Variants in SUCLG2 observed in about 807,000 individuals in gnomAD.
SUCLG2 encodes succinate--CoA ligase [GDP-forming] subunit beta, mitochondrial.
A neutral mutation model predicts 47.9 loss-of-function variants in SUCLG2; 42 were observed. That is an observed-to-expected ratio of 0.88 (90% CI 0.69 to 1.14). The LOEUF (loss-of-function observed/expected upper bound fraction) is 1.14, where lower values mean the gene tolerates loss of function less well. Ranked by LOEUF, SUCLG2 falls within the 50% of genes most tolerant of loss-of-function variation. SUCLG2 has a pLI of 0.00. For missense variants in SUCLG2, 571 were observed against 525.9 expected (o/e 1.09, Z -0.84); for synonymous variants, 195 against 197.3 (o/e 0.99, Z 0.10).
chr3:67,596,078 A>C lies in SUCLG2; in HGVS notation c.226+13377T>G, dbSNP rs538093568. ...CACAGGCTTGGTTGATGAACATCCAACCTCCTTAGTTTGATGAACTCTGGG... is the reference window on the plus strand; with the variant it reads ...CACAGGCTTGGTTGATGAACATCCACCCTCCTTAGTTTGATGAACTCTGGG... On this transcript the variant is annotated intron_variant, in intron 2 of 10. Transcript: ENST00000307227. Among the ~76,000 whole-genome samples the C allele has an allele frequency of 2.6e-5, 4 of 152,182 alleles. No homozygotes were observed. In the East Asian group the frequency reaches 7.7e-4, roughly 29 times the overall value.
chr3:67,477,879 G>A (rs1204900140), intron 9 of SUCLG2, among the ~76,000 whole-genome samples: 1 of 152,070 alleles, frequency 6.6e-6, no homozygotes, highest in East Asian at 1.9e-4. Context: ...GATCTACAGT[G>A]AAAAAATAAA....
At chr3:67,392,400 T>C (rs1702408850) in intron 10 of SUCLG2, among the ~76,000 whole-genome samples, 1 of 152,204 alleles carries the variant, frequency 6.6e-6, no homozygotes. Context: ...AAACACTTCT[T>C]AATGCTTAAA....
intron 2 of SUCLG2, among the ~76,000 whole-genome samples, chr3:67,532,830 A>G (rs7618449): frequency 6.6e-6 from 1 of 152,122 alleles, no homozygotes; most frequent in South Asian, 2.1e-4. Context: ...CAGCTGAATT[A>G]TAACAATGCT....
intron 2 of SUCLG2, among the ~76,000 whole-genome samples, chr3:67,593,110 G>C (rs1051811154): frequency 6.6e-6 from 1 of 152,132 alleles, no homozygotes; most frequent in Non-Finnish European, 1.5e-5. Context: ...TTATTCCATC[G>C]ATTTCTTTAA....
chr3:67,567,141 G>T (rs754075465), intron 2 of SUCLG2, among the ~76,000 whole-genome samples: 1 of 151,628 alleles, frequency 6.6e-6, no homozygotes, highest in African/African-American at 2.4e-5. Context: ...CCAAGATCGC[G>T]CCACTGCACT....
intron 2 of SUCLG2, among the ~76,000 whole-genome samples, chr3:67,545,489 G>C (rs1472417212): frequency 6.6e-6 from 1 of 152,268 alleles, no homozygotes; most frequent in Admixed American, 6.5e-5. Context: ...TTTATTGCCT[G>C]TCTTGATGCA....
At chr3:67,547,096 G>A (rs1056639568) in intron 2 of SUCLG2, among the ~76,000 whole-genome samples, 6 of 152,158 alleles carry the variant, frequency 3.9e-5, no homozygotes, top group African/African-American at 1.4e-4. Flanking sequence ...CTAACCCCCA[G>A]GTGATAGTAC....
chr3:67,457,311 C>A (rs146534751), intron 9 of SUCLG2, among the ~76,000 whole-genome samples: 63 of 151,824 alleles, frequency 4.1e-4, no homozygotes, highest in Non-Finnish European at 8.2e-4. Context: ...CAATTTCCTT[C>A]TCCTAAAAAT....
chr3:67,648,891 G>C (rs1217001719), intron 1 of SUCLG2, among the ~76,000 whole-genome samples: 1 of 152,120 alleles, frequency 6.6e-6, no homozygotes, highest in Non-Finnish European at 1.5e-5. Context: ...CGGCCAGCTG[G>C]GGAATCACTC....
chr3:67,533,208 T>A (rs556178551), intron 2 of SUCLG2, among the ~76,000 whole-genome samples: 1 of 152,358 alleles, frequency 6.6e-6, no homozygotes, highest in Non-Finnish European at 1.5e-5. Context: ...AACTATTTTT[T>A]AAAAACAGTT....
chr3:67,533,743 A>G (rs1394412007), intron 2 of SUCLG2, among the ~76,000 whole-genome samples: 1 of 152,204 alleles, frequency 6.6e-6, no homozygotes, highest in Non-Finnish European at 1.5e-5. Flanking sequence ...GAGAGTTACC[A>G]ATCTTCAATC....
intron 2 of SUCLG2, among the ~76,000 whole-genome samples, chr3:67,594,983 C>T (rs545652390): frequency 1.3e-5 from 2 of 152,216 alleles, no homozygotes; most frequent in Admixed American, 1.3e-4. Flanking sequence ...AATAACGATA[C>T]CCCCTCCCCA....
intron 9 of SUCLG2, among the ~76,000 whole-genome samples, chr3:67,469,123 T>C (rs754664036): frequency 6.6e-6 from 1 of 152,158 alleles, no homozygotes; most frequent in Non-Finnish European, 1.5e-5. Flanking sequence ...AAAAGATTAG[T>C]AACCAAATTA....
At chr3:67,614,845 C>CTTATA (rs1289008816) in intron 1 of SUCLG2, among the ~76,000 whole-genome samples, 2 of 152,074 alleles carry the variant, frequency 1.3e-5, no homozygotes, top group African/African-American at 2.4e-5. Flanking sequence ...AGCCAGAGGC[C>CTTATA]TGATGAAAGC....
intron 10 of SUCLG2, among the ~76,000 whole-genome samples, chr3:67,385,920 T>G (rs1056290326): frequency 6.6e-6 from 1 of 152,104 alleles, no homozygotes; most frequent in African/African-American, 2.4e-5. Context: ...GCTAATTAGG[T>G]TGGCTACCTA....
intron 2 of SUCLG2, among the ~76,000 whole-genome samples, chr3:67,572,594 A>C (rs867244590): frequency 3.3e-5 from 5 of 152,342 alleles, no homozygotes; most frequent in Middle Eastern, 6.8e-3. Context: ...TTAATGAATG[A>C]TTTAACCCAG....
intron 9 of SUCLG2, among the ~76,000 whole-genome samples, chr3:67,446,634 A>G (rs1187498267): frequency 6.7e-6 from 1 of 149,784 alleles, no homozygotes; most frequent in Non-Finnish European, 1.5e-5. Context: ...GGATTTCACC[A>G]TATTGGCCAG....
intron 9 of SUCLG2, among the ~76,000 whole-genome samples, chr3:67,433,742 A>G (rs1703545025): frequency 6.6e-6 from 1 of 152,090 alleles, no homozygotes; most frequent in Non-Finnish European, 1.5e-5. Context: ...AATTAAATTT[A>G]AGGTGTAAAG....
chr3:67,388,171 G>C (rs1458317933), intron 10 of SUCLG2, among the ~76,000 whole-genome samples: 1 of 152,146 alleles, frequency 6.6e-6, no homozygotes, highest in African/African-American at 2.4e-5. Flanking sequence ...TGATAGCTCA[G>C]GATGAGATCA....
Sources: allele counts gnomAD v4.1 joint callset (sites outside exome capture counted in the v4.1 genomes callset), GRCh38; gene constraint gnomAD v4.1.1; transcripts MANE v1.5; gene names NCBI Gene and HGNC (gene_info 2026-07-23, HGNC 2026-07-21).